RALGPS2: variants seen among roughly 807,000 people sequenced by gnomAD.
The protein encoded by RALGPS2 is ras-specific guanine nucleotide-releasing factor RalGPS2.
RALGPS2 carries 43 observed loss-of-function variants against 86.8 expected under a neutral mutation model. The ratio of observed to expected loss-of-function variants is 0.50; its 90% CI spans 0.39 to 0.64. RALGPS2 has a LOEUF of 0.64. Ranked by LOEUF, RALGPS2 falls within the 30% of genes least tolerant of loss-of-function variation. The pLI, the probability that RALGPS2 is intolerant of heterozygous loss-of-function variation, is 0.00. For synonymous variants in RALGPS2, 243 were observed against 231.3 expected, an observed-to-expected ratio of 1.05 and a Z score of -0.46; for missense variants, 536 against 694.6, an observed-to-expected ratio of 0.77 and a Z score of 2.57.
chr1:178,731,934 G>C (rs572164193), intron 1 of RALGPS2, among the ~76,000 whole-genome samples: 1 of 152,126 alleles, frequency 6.6e-6, no homozygotes, highest in African/African-American at 2.4e-5. Flanking sequence ...GTGTGGGACT[G>C]TGGTTTGCTG....
At chr1:178,843,974 A>G (rs1357489553) in intron 8 of RALGPS2, among the ~76,000 whole-genome samples, 1 of 152,202 alleles carries the variant, frequency 6.6e-6, no homozygotes, top group Admixed American at 6.5e-5. Context: ...GATTAAATGT[A>G]TTTAATCTAT....
At chr1:178,738,843 C>G (rs146353121) in intron 1 of RALGPS2, among the ~76,000 whole-genome samples, 1 of 152,106 alleles carries the variant, frequency 6.6e-6, no homozygotes, top group Non-Finnish European at 1.5e-5. Flanking sequence ...AATTATAGCC[C>G]AGATTCTGTT....
intron 19 of RALGPS2, among the ~76,000 whole-genome samples, chr1:178,911,503 C>A (rs1004971477): frequency 6.6e-6 from 1 of 152,168 alleles, no homozygotes; most frequent in Non-Finnish European, 1.5e-5. Context: ...TGTTTAAGTT[C>A]CATATAATTG....
chr1:178,804,209 G>T (rs1357294071), intron 4 of RALGPS2, among the ~76,000 whole-genome samples: 1 of 146,356 alleles, frequency 6.8e-6, no homozygotes. Flanking sequence ...TTCCAACCTC[G>T]ATCCTGGAGC....
intron 1 of RALGPS2, among the ~76,000 whole-genome samples, chr1:178,770,840 T>A (rs1487636979): frequency 6.9e-6 from 1 of 145,870 alleles, no homozygotes; most frequent in Non-Finnish European, 1.5e-5. Flanking sequence ...TTGTTGTTGT[T>A]TTTTTTTTTT....
At chr1:178,849,602 T>C (rs142086019) in intron 8 of RALGPS2, 2 of 152,078 alleles carry the variant, frequency 1.3e-5, no homozygotes, top group African/African-American at 4.8e-5. Flanking sequence ...GCCCAGTTCC[T>C]TCCAGGAATC....
At chr1:178,895,638 GA>G (rs1659908807) in intron 16 of RALGPS2, among the ~76,000 whole-genome samples, 1 of 151,998 alleles carries the variant, frequency 6.6e-6, no homozygotes, top group Non-Finnish European at 1.5e-5. Context: ...GGGGAAGGTG[GA>G]GGAGATCAAG....
At chr1:178,838,612 C>G (rs1656408574) in intron 8 of RALGPS2, among the ~76,000 whole-genome samples, 1 of 152,190 alleles carries the variant, frequency 6.6e-6, no homozygotes, top group South Asian at 2.1e-4. Context: ...AATCAGAGCA[C>G]CTCTCCCCCT....
At chr1:178,820,108 A>G (rs143134581) in intron 6 of RALGPS2, among the ~76,000 whole-genome samples, 1 of 152,198 alleles carries the variant, frequency 6.6e-6, no homozygotes, top group Non-Finnish European at 1.5e-5. Flanking sequence ...GGAGCAAAAC[A>G]TGTAATTATT....
intron 1 of RALGPS2, among the ~76,000 whole-genome samples, chr1:178,736,584 T>C (rs1254628827): frequency 1.3e-5 from 2 of 152,164 alleles, no homozygotes; most frequent in Admixed American, 6.5e-5. Flanking sequence ...TTTAAGTCTT[T>C]TAATGAAATA....
intron 4 of RALGPS2, among the ~76,000 whole-genome samples, chr1:178,799,102 C>T (rs547670019): frequency 2.5e-4 from 38 of 152,212 alleles, no homozygotes; most frequent in Middle Eastern, 3.4e-3. Flanking sequence ...TGCAGTGGCG[C>T]GATCTCCGCT....
intron 8 of RALGPS2, among the ~76,000 whole-genome samples, chr1:178,862,542 C>T (rs1263219054): frequency 6.6e-6 from 1 of 152,078 alleles, no homozygotes; most frequent in Non-Finnish European, 1.5e-5. Context: ...GAGGAACGAT[C>T]ACTTCAAACC....
intron 1 of RALGPS2, chr1:178,725,653 G>C (rs2101989107): frequency 6.6e-6 from 1 of 152,072 alleles, no homozygotes; most frequent in Admixed American, 6.5e-5. Context: ...CGGGTTCTCA[G>C]AGTCGGAGCG....
At chr1:178,835,380 C>G (rs1360191143) in intron 8 of RALGPS2, among the ~76,000 whole-genome samples, 1 of 147,718 alleles carries the variant, frequency 6.8e-6, no homozygotes, top group Non-Finnish European at 1.5e-5. Flanking sequence ...ATTGTGATAT[C>G]TTCTTTCTTT....
Position 178,753,111 on chromosome 1 carries a change from C to G in RALGPS2, c.-83-23571C>G, listed in dbSNP as rs932628795. ...CTGGTAGTCCACTGAATACGAGGCA[C>G]TGAATGTGCCATACTGGTTATGTGG... is the stretch of plus-strand genomic sequence containing the variant. On this transcript the variant is annotated intron_variant, in intron 1 of 19. Coordinates refer to ENST00000367635, the MANE Select transcript of RALGPS2 (RefSeq NM_152663.5). Among the ~76,000 whole-genome samples the G allele has an allele frequency of 7.2e-5, 11 of 152,206 alleles. 1 individual carries two copies. Among genetic ancestry groups the G allele is most frequent in the Admixed American group, 7.2e-4 (11 of 15,292 alleles).
At chr1:178,897,822 G>C in intron 17 of RALGPS2, 66 bp downstream of exon 17, 4 of 1,356,750 alleles carry the variant, frequency 2.9e-6, no homozygotes, top group Non-Finnish European at 3.1e-6. Context: ...AAAGAAAGCA[G>C]TCCTAATGGG....
chr1:178,894,030 AT>A lies in RALGPS2; in HGVS notation c.1431+9del, dbSNP rs761515109. On this transcript the variant is annotated splice_region_variant and intron_variant, in intron 16 of 19. Transcript: ENST00000367635. Reference sequence around the variant, plus strand: ...AAGAAGGCAAAAAGCCTACAGTAAGATTTCATCATATTATATTTTAATACAC... The same window carrying A: ...AAGAAGGCAAAAAGCCTACAGTAAGATTCATCATATTATATTTTAATACAC... 2.7e-6 allele frequency: 4 copies of A among 1,483,286 alleles called. No homozygotes were observed. The highest frequency in any genetic ancestry group is 1.2e-5 in the South Asian group (1 of 86,422). 91.9% of individuals were successfully genotyped at this position (1,483,286 alleles called of 1,614,324 possible).
intron 7 of RALGPS2, among the ~76,000 whole-genome samples, chr1:178,826,623 G>A (rs1258575676): frequency 1.3e-5 from 2 of 152,230 alleles, no homozygotes; most frequent in South Asian, 4.1e-4. Context: ...AAAACTTTTG[G>A]ATATGGATGT....
At chr1:178,753,480 AT>A (rs1325003863) in intron 1 of RALGPS2, among the ~76,000 whole-genome samples, 32 of 152,252 alleles carry the variant, frequency 2.1e-4, no homozygotes, top group Admixed American at 1.9e-3. Flanking sequence ...TGAGGCAAAA[AT>A]TTATGGATAT....
Sources: gnomAD v4.1 joint callset for allele counts (sites outside exome capture counted in the v4.1 genomes callset) on GRCh38, gnomAD v4.1.1 for gene constraint, MANE v1.5 for transcripts, NCBI Gene and HGNC (gene_info 2026-07-23, HGNC 2026-07-21) for gene names.